Variants in RSPRY1 observed in about 807,000 individuals in gnomAD.
RSPRY1 encodes the protein ring finger and SPRY domain containing 1.
In RSPRY1, 23 loss-of-function variants were observed where a neutral mutation model predicts 73.1. The observed-to-expected ratio is 0.31, with a 90% CI of 0.23 to 0.45. The LOEUF is 0.45. Among genes scored for constraint, RSPRY1 ranks in the 20% least tolerant of loss-of-function variants. The pLI is 1.00. For synonymous variants in RSPRY1, 226 were observed against 251.4 expected (o/e 0.90, Z 0.95); for missense variants, 448 against 698.7 (o/e 0.64, Z 4.05).
intron 1 of RSPRY1, among the ~76,000 whole-genome samples, chr16:57,202,693 T>C (rs2074641775): frequency 6.6e-6 from 1 of 152,096 alleles, no homozygotes; most frequent in African/African-American, 2.4e-5. Flanking sequence ...CCCGAGTGGT[T>C]TGGGGGAACC....
At chr16:57,188,510 G>T (rs907167499) in intron 1 of RSPRY1, among the ~76,000 whole-genome samples, 52 of 148,894 alleles carry the variant, frequency 3.5e-4, no homozygotes, top group African/African-American at 1.2e-3. Context: ...TTGTGTTTTT[G>T]GTTTTTTTGT....
intron 8 of RSPRY1, among the ~76,000 whole-genome samples, chr16:57,219,450 G>T (rs1343279171): frequency 6.6e-6 from 1 of 152,120 alleles, no homozygotes; most frequent in Non-Finnish European, 1.5e-5. Context: ...TTTGCCATTT[G>T]TATGTCTTCC....
intron 8 of RSPRY1, among the ~76,000 whole-genome samples, chr16:57,217,677 C>T (rs1419547115): frequency 1.3e-5 from 2 of 152,188 alleles, no homozygotes; most frequent in Non-Finnish European, 2.9e-5. Context: ...CTCCATTGAG[C>T]ATTTCCTTTG....
rs566223937 is a variant in RSPRY1 at position 57,239,893 on chromosome 16, T to C, written c.*918T>C. On this transcript the variant is annotated 3_prime_UTR_variant, in exon 15 of 15. Coordinates refer to ENST00000394420, the MANE Select transcript of RSPRY1 (RefSeq NM_133368.3). ...CTCTTGAACTAATAGTCTCAAAAACTCTAGAGGACAGTCTGAGAACACGTA... is the reference window on the plus strand; with the variant it reads ...CTCTTGAACTAATAGTCTCAAAAACCCTAGAGGACAGTCTGAGAACACGTA... The C allele has an allele frequency of 6.6e-6, 1 of 152,334 alleles. No homozygotes were observed. The highest frequency in any genetic ancestry group is 2.1e-4 in the South Asian group (1 of 4,828). 9.4% of individuals were successfully genotyped at this position (152,334 alleles called of 1,614,324 possible).
At chr16:57,190,513 G>A (rs534021327) in intron 1 of RSPRY1, among the ~76,000 whole-genome samples, 51 of 152,224 alleles carry the variant, frequency 3.4e-4, no homozygotes, top group African/African-American at 1.1e-3. Context: ...AATTATTTGG[G>A]GATAATAAAC....
chr16:57,228,313 AC>A (rs1341157209), intron 11 of RSPRY1, among the ~76,000 whole-genome samples: 137 of 147,388 alleles, frequency 9.3e-4, no homozygotes, highest in Middle Eastern at 6.8e-3. Flanking sequence ...GAATTTGCCC[AC>A]CCCCATATGG....
intron 1 of RSPRY1, among the ~76,000 whole-genome samples, chr16:57,200,358 C>T (rs1282282801): frequency 6.6e-6 from 1 of 152,016 alleles, no homozygotes; most frequent in East Asian, 1.9e-4. Flanking sequence ...CCCCACCTTT[C>T]CCCCCTTTCT....
chr16:57,234,610 GT>G (rs1214381611), intron 13 of RSPRY1, among the ~76,000 whole-genome samples: 1 of 152,226 alleles, frequency 6.6e-6, no homozygotes, highest in Non-Finnish European at 1.5e-5. Context: ...CAGCAGAACA[GT>G]TTTGCCTGTC....
At chr16:57,205,807 T>A (rs1441555613) in intron 2 of RSPRY1, among the ~76,000 whole-genome samples, 3 of 152,226 alleles carry the variant, frequency 2.0e-5, no homozygotes, top group African/African-American at 7.2e-5. Flanking sequence ...GATAATATTG[T>A]TCCCACAAGG....
At chr16:57,225,922 T>A (rs1487993137) in intron 10 of RSPRY1, among the ~76,000 whole-genome samples, 1 of 152,070 alleles carries the variant, frequency 6.6e-6, no homozygotes, top group Admixed American at 6.5e-5. Flanking sequence ...CTACTAAAAA[T>A]ACAAAATTAG....
intron 8 of RSPRY1, among the ~76,000 whole-genome samples, chr16:57,217,244 G>A (rs139743960): frequency 6.6e-6 from 1 of 152,242 alleles, no homozygotes; most frequent in East Asian, 1.9e-4. Flanking sequence ...GCATTTTCCT[G>A]TTCAAAAACC....
Position 57,186,446 on chromosome 16 carries a change from G to T in RSPRY1, c.-161G>T. ...CTCCCTCCGGTGGGCCCGGGAGGTA[G>T]AGAAAGTCAGTGCCACAGCCCGACC... is the stretch of plus-strand genomic sequence containing the variant. On this transcript the variant is annotated 5_prime_UTR_variant, in exon 1 of 15. Transcript: ENST00000394420. 1 of 155,444 alleles carries T rather than the reference G, an allele frequency of 6.4e-6. No individual in the cohort carries two copies. Among genetic ancestry groups the T allele is most frequent in the South Asian group, 1.8e-4 (1 of 5,600 alleles). 9.6% of individuals were successfully genotyped at this position (155,444 alleles called of 1,614,324 possible). A position where few individuals can be genotyped will look rare whatever the true frequency, so the allele number is the denominator to read the frequency against.
rs1402535142 is a variant in RSPRY1, at chr16:57,230,746, A to G, written c.1309A>G (p.Lys437Glu). 8 of 1,610,952 alleles carry G rather than the reference A, an allele frequency of 5.0e-6. No individual in the cohort carries two copies. Among genetic ancestry groups the G allele is most frequent in the South Asian group, 1.1e-5 (1 of 91,034 alleles). ...AGGATTTCTGTTAGACTTGAATGAA[A>G]AGCAAATGATCTTCTTTTTAAATGG... ...TVGFLLDLNEKQMIFFLNGNQ... is the reference protein window; with the variant it reads ...TVGFLLDLNEEQMIFFLNGNQ... The change falls in exon 12 of 15, where the codon AAG becomes GAG. Residue 437 changes from lysine (K) to glutamate (E), a missense_variant. Physicochemically the swap from Lys to Glu is moderately conservative, Grantham distance 56 (BLOSUM62 1). Coordinates refer to ENST00000394420, the MANE Select transcript of RSPRY1 (RefSeq NM_133368.3).
intron 11 of RSPRY1, among the ~76,000 whole-genome samples, chr16:57,228,637 G>T (rs562046140): frequency 6.6e-6 from 1 of 152,020 alleles, no homozygotes; most frequent in South Asian, 2.1e-4. Context: ...TATTTTTGTT[G>T]TTGTTATACT....
At chr16:57,228,179 A>G (rs941790677) in intron 11 of RSPRY1, among the ~76,000 whole-genome samples, 6 of 150,842 alleles carry the variant, frequency 4.0e-5, no homozygotes, top group Non-Finnish European at 7.4e-5. Flanking sequence ...AGGCTGAGGC[A>G]GGAGAATCAG....
At chr16:57,219,713 A>T (rs1401226362) in intron 8 of RSPRY1, 1 of 152,176 alleles carries the variant, frequency 6.6e-6, no homozygotes, top group East Asian at 1.9e-4. Flanking sequence ...CTTTTGGGGT[A>T]TTCAAGAAAT....
In RSPRY1 at chr16:57,201,322, G is replaced by A. The variant is rs1232513374; in HGVS notation, c.-155-3182G>A. ...CAGAGGGTCTCCTCACTTCTCAGAC[G>A]GGGCGGCCGGGCAGAGACGCTCCTC... On this transcript the variant is annotated intron_variant, in intron 1 of 14. Coordinates refer to ENST00000394420, the MANE Select transcript of RSPRY1 (RefSeq NM_133368.3). 3.4e-5 allele frequency among the ~76,000 whole-genome samples: 5 copies of A among 145,174 alleles called. No individual in the cohort carries two copies. The South Asian group carries it at 6.3e-4, about 18-fold the overall frequency.
intron 1 of RSPRY1, among the ~76,000 whole-genome samples, chr16:57,194,603 A>G (rs1286151276): frequency 1.3e-5 from 2 of 152,174 alleles, no homozygotes; most frequent in African/African-American, 4.8e-5. Context: ...ATCCTCTAAC[A>G]CTATTTTGGA....
intron 8 of RSPRY1, among the ~76,000 whole-genome samples, chr16:57,217,810 AG>A (rs1365419574): frequency 1.3e-5 from 2 of 152,216 alleles, no homozygotes; most frequent in African/African-American, 4.8e-5. Flanking sequence ...ACTACGCTAA[AG>A]CATAACTGGA....
Sources: allele counts gnomAD v4.1 joint callset (sites outside exome capture counted in the v4.1 genomes callset), GRCh38; gene constraint gnomAD v4.1.1; transcripts MANE v1.5; gene names NCBI Gene and HGNC (gene_info 2026-07-23, HGNC 2026-07-21).